The following OR4K17 variants were observed in gnomAD, a reference collection of about 807,000 sequenced individuals.
OR4K17 encodes olfactory receptor 4K17.
For synonymous variants in OR4K17, 157 were observed against 132.8 expected (o/e 1.18, Z -1.25); for missense variants, 480 against 366.3 (o/e 1.31, Z -2.53).
intron 1 of OR4K17, among the ~76,000 whole-genome samples, chr14:20,111,297 T>A (rs1877878363): frequency 6.6e-6 from 1 of 151,932 alleles, no homozygotes; most frequent in South Asian, 2.1e-4. Context: ...GTTATAAGGG[T>A]AGTACTATGA....
intron 1 of OR4K17, among the ~76,000 whole-genome samples, chr14:20,115,013 T>C (rs1186942641): frequency 6.6e-6 from 1 of 152,104 alleles, no homozygotes; most frequent in Admixed American, 6.6e-5. Flanking sequence ...GGCCCTCATC[T>C]TGTAATTACT....
rs182727477 is a variant in OR4K17 at position 20,117,836 on chromosome 14, G to C, written c.337G>C (p.Val113Leu). 9 of 1,614,020 alleles carry C rather than the reference G, an allele frequency of 5.6e-6. No homozygotes were observed. The Admixed American group carries it at 1.5e-4, about 27-fold the overall frequency. ...LLHLLGGVEMVLLVSMAFDRY... is the reference protein window; with the variant it reads ...LLHLLGGVEMLLLVSMAFDRY... ...TCACTTACTGGGTGGGGTTGAAATG[G>C]TACTGTTGGTCTCCATGGCTTTTGA... The change falls in exon 2 of 2, where the codon GTA becomes CTA. Residue 113 changes from valine to leucine, a missense_variant. Coordinates refer to ENST00000641386, the MANE Select transcript of OR4K17 (RefSeq NM_001004715.5).
intron 1 of OR4K17, among the ~76,000 whole-genome samples, chr14:20,111,113 C>T (rs1877874027): frequency 6.6e-6 from 1 of 152,016 alleles, no homozygotes; most frequent in Admixed American, 6.6e-5. Context: ...GTTCCTAGTA[C>T]AGAGTCCAGC....
chr14:20,113,543 TTTTAA>T (rs1338734606), intron 1 of OR4K17, among the ~76,000 whole-genome samples: 1 of 152,088 alleles, frequency 6.6e-6, no homozygotes, highest in African/African-American at 2.4e-5. Flanking sequence ...TTACACACTA[TTTTAA>T]TTTAAATACT....
chr14:20,114,382 C>T (rs1877943175), intron 1 of OR4K17, among the ~76,000 whole-genome samples: 1 of 151,862 alleles, frequency 6.6e-6, no homozygotes. Context: ...GTTTATGATC[C>T]AATTTGGAGT....
At chr14:20,113,517 C>T (rs1877924623) in intron 1 of OR4K17, among the ~76,000 whole-genome samples, 1 of 151,978 alleles carries the variant, frequency 6.6e-6, no homozygotes, top group African/African-American at 2.4e-5. Context: ...ATGCTAGATG[C>T]TGTACTATGT....
In OR4K17 at chr14:20,118,476, G is replaced by T. The variant is rs1393317632; in HGVS notation, c.*38G>T. On this transcript the variant is annotated 3_prime_UTR_variant, in exon 2 of 2. Coordinates refer to ENST00000641386, the MANE Select transcript of OR4K17 (RefSeq NM_001004715.5). The stretch of plus-strand genomic sequence containing the variant: ...ATGGTAGAGGCCGGGCATGGTGGCT[G>T]ATGCCTGTAATCCCCACACTTTGGG... The T allele has an allele frequency of 3.2e-6, 4 of 1,247,428 alleles. No individual in the cohort carries two copies. The highest frequency in any genetic ancestry group is 4.5e-6 in the Non-Finnish European group (4 of 886,772). The allele number at this position is 1,247,428 out of a possible 1,614,324, so 77.3% of individuals were successfully genotyped here.
At chr14:20,113,207 C>T (rs1202335460) in intron 1 of OR4K17, among the ~76,000 whole-genome samples, 1 of 151,916 alleles carries the variant, frequency 6.6e-6, no homozygotes, top group Non-Finnish European at 1.5e-5. Flanking sequence ...CAAATAGCAA[C>T]AAAATATGAA....
chr14:20,119,854 T>G lies in OR4K17; in HGVS notation c.*1416T>G, dbSNP rs1878119882. 6.6e-6 allele frequency: 1 copy of G among 151,954 alleles called. No individual in the cohort carries two copies. Among genetic ancestry groups the G allele is most frequent in the Non-Finnish European group, 1.5e-5 (1 of 67,962 alleles). The allele number at this position is 151,954 out of a possible 1,614,324, so 9.4% of individuals were successfully genotyped here. A position where few individuals can be genotyped will look rare whatever the true frequency, so the allele number is the denominator to read the frequency against. ...GTCCATCTTAAAATAATAATAATAA[T>G]AGTAGCAGAGAAACAATAATTTTTT... On this transcript the variant is annotated 3_prime_UTR_variant, in exon 2 of 2. Transcript: ENST00000641386.
At chr14:20,112,756 T>C (rs1877908610) in intron 1 of OR4K17, among the ~76,000 whole-genome samples, 1 of 152,046 alleles carries the variant, frequency 6.6e-6, no homozygotes, top group Admixed American at 6.6e-5. Flanking sequence ...AGTGAGTTTG[T>C]TGTTCCGGAG....
At position 20,118,302 on chromosome 14, in the gene OR4K17, A is replaced by G. The variant is rs1878067088; in HGVS notation, c.803A>G (p.Asp268Gly). The change falls in exon 2 of 2, where the codon GAT becomes GGT. Residue 268 changes from aspartate to glycine, a missense_variant. Physicochemically the swap from Asp to Gly is moderately conservative, Grantham distance 94. Coordinates refer to ENST00000641386, the MANE Select transcript of OR4K17 (RefSeq NM_001004715.5). The stretch of plus-strand genomic sequence containing the variant: ...TGGCCCTTCGGCAACCACTCTGTAG[A>G]TAAGTTCCTTGCTGTGTTTTATACC... ...YIWPFGNHSV[D>G]KFLAVFYTII... The G allele has an allele frequency of 1.9e-6, 3 of 1,613,736 alleles. No homozygotes were observed. The highest frequency in any genetic ancestry group is 2.2e-5 in the East Asian group (1 of 44,880).
chr14:20,110,948 C>G (rs1877871221), intron 1 of OR4K17, 56 bp downstream of exon 1: 1 of 152,006 alleles, frequency 6.6e-6, no homozygotes, highest in African/African-American at 2.4e-5. Context: ...TGTCACAGTT[C>G]ACACAAGATA....
rs1878020860 is a variant in OR4K17 at position 20,117,470 on chromosome 14, C to T, written c.-30C>T. ...TGATCTTTTCTTTCTCTCTACAGGT[C>T]ATCCAAGAGCGAGCTGTAGGATGGA... On this transcript the variant is annotated splice_region_variant and 5_prime_UTR_variant, in exon 2 of 2. Transcript: ENST00000641386. 6.2e-7 allele frequency: 1 copy of T among 1,613,612 alleles called. No homozygotes were observed. The highest frequency in any genetic ancestry group is 1.1e-5 in the South Asian group (1 of 91,020).
At chr14:20,113,444 GA>G (rs1877923443) in intron 1 of OR4K17, among the ~76,000 whole-genome samples, 1 of 151,968 alleles carries the variant, frequency 6.6e-6, no homozygotes, top group African/African-American at 2.4e-5. Context: ...TTATCTGTGT[GA>G]ATTTTAGCCA....
At chr14:20,115,367 G>T (rs115394049) in intron 1 of OR4K17, among the ~76,000 whole-genome samples, 144 of 152,010 alleles carry the variant, frequency 9.5e-4, no homozygotes, top group African/African-American at 3.4e-3. Flanking sequence ...TATAAATTTT[G>T]TATGTATATG....
In OR4K17 at chr14:20,122,148, T is replaced by C. The variant is rs1878185341; in HGVS notation, c.*3710T>C. On this transcript the variant is annotated 3_prime_UTR_variant, in exon 2 of 2. Transcript: ENST00000641386. ...TGGAATGTGAATGAATTAAATTATC[T>C]GAACAAAAGACACAGAGTGGCTAAA... is the stretch of plus-strand genomic sequence containing the variant. 6.6e-6 allele frequency: 1 copy of C among 151,982 alleles called. No homozygotes were observed. Among genetic ancestry groups the C allele is most frequent in the African/African-American group, 2.4e-5 (1 of 41,428 alleles). 9.4% of individuals were successfully genotyped at this position (151,982 alleles called of 1,614,324 possible). A position where few individuals can be genotyped will look rare whatever the true frequency, so the allele number is the denominator to read the frequency against.
In OR4K17 at chr14:20,110,891, T is replaced by C. The variant is rs1023977847; in HGVS notation, c.-34T>C. 1 of 152,060 alleles carries C rather than the reference T, an allele frequency of 6.6e-6. No homozygotes were observed. Among genetic ancestry groups the C allele is most frequent in the Non-Finnish European group, 1.5e-5 (1 of 67,950 alleles). 9.4% of individuals were successfully genotyped at this position (152,060 alleles called of 1,614,324 possible). A position where few individuals can be genotyped will look rare whatever the true frequency, so the allele number is the denominator to read the frequency against. ...CCCATGGCCCTGACTTCTTCTGAAC[T>C]GGTAAGCAGAAGACATTGCTGACAT... On this transcript the variant is annotated splice_region_variant and 5_prime_UTR_variant, in exon 1 of 2. Coordinates refer to ENST00000641386, the MANE Select transcript of OR4K17 (RefSeq NM_001004715.5).
intron 1 of OR4K17, among the ~76,000 whole-genome samples, chr14:20,115,590 C>T (rs1030165198): frequency 9.9e-5 from 15 of 152,030 alleles, no homozygotes; most frequent in African/African-American, 3.4e-4. Flanking sequence ...AGTACTGTTA[C>T]CATGAAGATT....
Position 20,118,257 on chromosome 14 carries a change from C to T in OR4K17, c.758C>T (p.Pro253Leu), listed in dbSNP as rs1270794698. The T allele has an allele frequency of 1.9e-6, 3 of 1,614,028 alleles. No individual in the cohort carries two copies. Among genetic ancestry groups the T allele is most frequent in the Admixed American group, 3.3e-5 (2 of 60,006 alleles). ...HITVVILFFG[P>L]CIFIYIWPFG... The stretch of plus-strand genomic sequence containing the variant: ...ACAGTGGTGATTCTCTTCTTTGGCC[C>T]ATGCATCTTTATCTACATTTGGCCC... The change falls in exon 2 of 2, where the codon CCA (proline) becomes CTA (leucine). Residue 253 changes from proline (P) to leucine (L), a missense_variant. Physicochemically the swap from Pro to Leu is moderately conservative, Grantham distance 98. Coordinates refer to ENST00000641386, the MANE Select transcript of OR4K17 (RefSeq NM_001004715.5).
Sources: gnomAD v4.1 joint callset for allele counts (sites outside exome capture counted in the v4.1 genomes callset) on GRCh38, gnomAD v4.1.1 for gene constraint, MANE v1.5 for transcripts, NCBI Gene and HGNC (gene_info 2026-07-23, HGNC 2026-07-21) for gene names.